Variants in TBCE observed in about 807,000 individuals in gnomAD.
TBCE encodes tubulin folding cofactor E.
TBCE carries 53 observed loss-of-function variants against 77.0 expected under a neutral mutation model. The ratio of observed to expected loss-of-function variants is 0.69; its 90% CI spans 0.55 to 0.87. TBCE has a LOEUF of 0.87. Among genes scored for constraint, TBCE ranks in the 40% least tolerant of loss-of-function variants. The pLI is 0.00. For synonymous variants in TBCE, 235 were observed against 241.3 expected, an observed-to-expected ratio of 0.97 and a Z score of 0.24; for missense variants, 624 against 622.4, an observed-to-expected ratio of 1.00 and a Z score of -0.03.
intron 9 of TBCE, 170 bp from the exon 10 acceptor site, chr1:235,436,209 AATACAGG>A: frequency 1.5e-6 from 1 of 649,866 alleles, no homozygotes; most frequent in Non-Finnish European, 2.7e-6. Context: ...GAGTCATTAG[AATACAGG>A]ATAAAGAGTT....
intron 1 of TBCE, among the ~76,000 whole-genome samples, chr1:235,369,485 G>T (rs1396118732): frequency 1.3e-5 from 2 of 148,688 alleles, no homozygotes; most frequent in Non-Finnish European, 3.0e-5. Flanking sequence ...CCAGCCTGGC[G>T]ATAGAGCAAG....
chr1:235,447,973 G>T, intron 15 of TBCE, among the ~76,000 whole-genome samples: 1 of 152,002 alleles, frequency 6.6e-6, no homozygotes, highest in Non-Finnish European at 1.5e-5. Flanking sequence ...CACTTTGGGG[G>T]GCCAGGGCGG....
At chr1:235,422,260 CCAGCACT>C (rs892173807) in intron 5 of TBCE, among the ~76,000 whole-genome samples, 2 of 152,202 alleles carry the variant, frequency 1.3e-5, no homozygotes, top group African/African-American at 4.8e-5. Flanking sequence ...GCCTGTAATC[CCAGCACT>C]CTGGGAGGCC....
intron 2 of TBCE, among the ~76,000 whole-genome samples, chr1:235,390,460 G>A (rs1026282163): frequency 2.0e-5 from 3 of 152,032 alleles, no homozygotes; most frequent in African/African-American, 7.2e-5. Context: ...ATCATTAGAA[G>A]TAGAAGCTAG....
chr1:235,374,171 G>A (rs1677150294), intron 1 of TBCE, among the ~76,000 whole-genome samples: 1 of 143,798 alleles, frequency 7.0e-6, no homozygotes, highest in South Asian at 2.2e-4. Flanking sequence ...GGCCAGGCTG[G>A]CCTCGAACTC....
Position 235,374,121 on chromosome 1 carries a change from T to C in TBCE, c.-31-5898T>C, listed in dbSNP as rs1677147336. ...ACGGGTGCTTGCCACCATGCCTGGC[T>C]AATTTTTGTATTTTTAGTAGAGACA... is the stretch of plus-strand genomic sequence containing the variant. On this transcript the variant is annotated intron_variant, in intron 1 of 16. Coordinates refer to ENST00000642610, the MANE Select transcript of TBCE (RefSeq NM_003193.5). Among the ~76,000 whole-genome samples the C allele has an allele frequency of 1.4e-5, 2 of 145,000 alleles. 1 individual carries two copies. The highest frequency in any genetic ancestry group is 4.3e-4 in the South Asian group (2 of 4,652).
rs1010310616 is a variant in TBCE, at chr1:235,434,045, C to G, written c.661-159C>G. ...CCTTAACATTTTATTTATCACCCCC[C>G]ACCACTATTCCAGGCCTGAAACAGT... On this transcript the variant is annotated intron_variant, in intron 7 of 16. Transcript: ENST00000642610. 6 of 729,748 alleles carry G rather than the reference C, an allele frequency of 8.2e-6. No individual in the cohort carries two copies. In the East Asian group the frequency reaches 1.5e-4, roughly 18 times the overall value. The allele number at this position is 729,748 out of a possible 1,614,324, so 45.2% of individuals were successfully genotyped here.
At chr1:235,442,978 A>AT (rs1681997922) in intron 15 of TBCE, 67 bp downstream of exon 15, 1 of 1,519,156 alleles carries the variant, frequency 6.6e-7, no homozygotes, top group African/African-American at 1.4e-5. Flanking sequence ...GTCAGCTAAA[A>AT]TTAAAACCTT....
chr1:235,390,093 T>A (rs1245465856), intron 2 of TBCE, among the ~76,000 whole-genome samples: 2 of 151,198 alleles, frequency 1.3e-5, no homozygotes, highest in African/African-American at 4.9e-5. Context: ...ATCACTCCAT[T>A]CCAGCCTGGG....
At chr1:235,440,198 C>T (rs1681771475) in intron 13 of TBCE, among the ~76,000 whole-genome samples, 1 of 152,140 alleles carries the variant, frequency 6.6e-6, no homozygotes, top group South Asian at 2.1e-4. Context: ...TCTCGATCTC[C>T]TGACCTTGTG....
chr1:235,439,063 T>A, intron 13 of TBCE, 141 bp downstream of exon 13: 1 of 1,195,064 alleles, frequency 8.4e-7, no homozygotes, highest in Non-Finnish European at 1.2e-6. Flanking sequence ...CTGAATGGAC[T>A]ATAGGCACTT....
At chr1:235,433,338 A>G in intron 7 of TBCE, 2 of 312,546 alleles carry the variant, frequency 6.4e-6, no homozygotes, top group Non-Finnish European at 1.1e-5. Flanking sequence ...CTCCTGCGTC[A>G]GCCTCCCAAG....
At chr1:235,375,809 G>A (rs181244899) in intron 1 of TBCE, among the ~76,000 whole-genome samples, 25 of 152,220 alleles carry the variant, frequency 1.6e-4, no homozygotes, top group Non-Finnish European at 3.1e-4. Flanking sequence ...TTGGGAGGCC[G>A]AGATGGGTGA....
rs1294403661 is a variant in TBCE at position 235,435,775 on chromosome 1, A to G, written c.768A>G (p.Leu256=). The G allele has an allele frequency of 6.2e-7, 1 of 1,614,092 alleles. No homozygotes were observed. The highest frequency in any genetic ancestry group is 1.3e-5 in the African/African-American group (1 of 74,946). ...CAGATGTTCTCCAGACAGTCAAGTT[A>G]TTAGATCTTTCCTCTAATCAATTAA... The part of the protein sequence containing the change: ...RPTDVLQTVK[L]LDLSSNQLID... Residue 256 remains leucine, a synonymous_variant, in exon 9 of 17, where the codon TTA becomes TTG. Coordinates refer to ENST00000642610, the MANE Select transcript of TBCE (RefSeq NM_003193.5).
chr1:235,377,563 G>A (rs1252510823), intron 1 of TBCE, among the ~76,000 whole-genome samples: 1 of 152,066 alleles, frequency 6.6e-6, no homozygotes, highest in African/African-American at 2.4e-5. Flanking sequence ...ATCATATAAT[G>A]TGAGATTGAA....
At chr1:235,406,277 A>T (rs952358815) in intron 3 of TBCE, among the ~76,000 whole-genome samples, 1 of 152,178 alleles carries the variant, frequency 6.6e-6, no homozygotes, top group African/African-American at 2.4e-5. Context: ...ATTTCATGTC[A>T]TGTTTTAGTT....
At position 235,412,602 on chromosome 1, in the gene TBCE, G is replaced by A. The variant is rs545194605; in HGVS notation, c.186-1831G>A. On this transcript the variant is annotated intron_variant, in intron 3 of 16. Transcript: ENST00000642610. ...GCTAGGATTATAGGGGTGAGCTACC[G>A]CACCCAGCCCACACTCTCTAAGTTT... Among the ~76,000 whole-genome samples, 20 of 151,540 alleles carry A rather than the reference G, an allele frequency of 1.3e-4. No individual in the cohort carries two copies. The East Asian group carries it at 2.2e-3, about 17-fold the overall frequency.
chr1:235,420,082 C>G (rs1243896344), intron 5 of TBCE, among the ~76,000 whole-genome samples: 1 of 150,818 alleles, frequency 6.6e-6, no homozygotes, highest in Non-Finnish European at 1.5e-5. Context: ...GACTTCATCT[C>G]AAAAAAAAAG....
rs1680007798 is a variant in TBCE at position 235,414,582 on chromosome 1, A to G, written c.335A>G (p.Glu112Gly). The stretch of plus-strand genomic sequence containing the variant: ...GTTACAATTGGAAATAAACCTGTGG[A>G]GACTATCGGTTTTGACTCTATTATG... ...QIVTIGNKPV[E>G]TIGFDSIMKQ... The change falls in exon 4 of 17, where the codon GAG becomes GGG. Residue 112 changes from glutamate to glycine, a missense_variant. Glu to Gly is a moderately conservative substitution (Grantham distance 98). Transcript: ENST00000642610. 6.2e-7 allele frequency: 1 copy of G among 1,613,694 alleles called. No individual in the cohort carries two copies. The highest frequency in any genetic ancestry group is 8.5e-7 in the Non-Finnish European group (1 of 1,179,982).
Sources: gnomAD v4.1 joint callset for allele counts (sites outside exome capture counted in the v4.1 genomes callset) on GRCh38, gnomAD v4.1.1 for gene constraint, MANE v1.5 for transcripts, NCBI Gene and HGNC (gene_info 2026-07-23, HGNC 2026-07-21) for gene names.